The following PTPRZ1 variants were observed in gnomAD, a reference collection of about 807,000 sequenced individuals.
PTPRZ1 encodes the protein receptor-type tyrosine-protein phosphatase zeta.
PTPRZ1 carries 82 observed loss-of-function variants against 214.1 expected under a neutral mutation model. That is an observed-to-expected ratio of 0.38 (90% CI 0.32 to 0.46). The LOEUF is 0.46. Among genes scored for constraint, PTPRZ1 ranks in the 20% least tolerant of loss-of-function variants. The pLI, the probability that PTPRZ1 is intolerant of heterozygous loss-of-function variation, is 1.00. For synonymous variants in PTPRZ1, 945 were observed against 987.9 expected, an observed-to-expected ratio of 0.96 and a Z score of 0.81; for missense variants, 2,603 against 2,748.7, an observed-to-expected ratio of 0.95 and a Z score of 1.19.
intron 6 of PTPRZ1, among the ~76,000 whole-genome samples, chr7:121,978,939 C>T (rs1170634927): frequency 6.6e-6 from 1 of 152,062 alleles, no homozygotes; most frequent in Non-Finnish European, 1.5e-5. Context: ...AAGGCTCCCC[C>T]ATATTGGCAA....
In PTPRZ1 at chr7:122,059,895, A is replaced by G. The variant is rs759741093; in HGVS notation, c.6807+7A>G. Reference sequence around the variant, plus strand: ...AGGAGTCTTTGCTGACATTGTAAGTAACAAGGCAGTGAACGAAATTTTTCA... The same window carrying G: ...AGGAGTCTTTGCTGACATTGTAAGTGACAAGGCAGTGAACGAAATTTTTCA... On this transcript the variant is annotated splice_region_variant and intron_variant, in intron 29 of 29. Coordinates refer to ENST00000393386, the MANE Select transcript of PTPRZ1 (RefSeq NM_002851.3). The G allele has an allele frequency of 6.2e-6, 10 of 1,606,050 alleles. No homozygotes were observed. In the South Asian group the frequency reaches 1.1e-4, roughly 18 times the overall value.
chr7:122,052,223 C>G (rs1792208341), intron 25 of PTPRZ1, among the ~76,000 whole-genome samples: 1 of 152,138 alleles, frequency 6.6e-6, no homozygotes, highest in Non-Finnish European at 1.5e-5. Flanking sequence ...ACCTGCTTAT[C>G]TAAAAGGCTT....
At position 121,923,828 on chromosome 7, in the gene PTPRZ1, CTAAA is replaced by C. The variant is rs548705907; in HGVS notation, c.59-4321_59-4318del. 2.3e-3 allele frequency among the ~76,000 whole-genome samples: 347 copies of C among 151,746 alleles called. 2 individuals carry two copies. Among genetic ancestry groups the C allele is most frequent in the African/African-American group, 8.1e-3 (335 of 41,414 alleles). ...GAAATATGTCTTTATAATACATATA[CTAAA>C]TAAATATATGTATTTTTATATATGC... On this transcript the variant is annotated intron_variant, in intron 1 of 29. Coordinates refer to ENST00000393386, the MANE Select transcript of PTPRZ1 (RefSeq NM_002851.3).
intron 2 of PTPRZ1, among the ~76,000 whole-genome samples, chr7:121,928,618 C>T (rs1426579807): frequency 6.6e-6 from 1 of 152,150 alleles, no homozygotes; most frequent in Non-Finnish European, 1.5e-5. Flanking sequence ...CAAATGTTAG[C>T]TGCTGGAGTT....
chr7:121,917,880 A>G (rs1466903208), intron 1 of PTPRZ1, among the ~76,000 whole-genome samples: 1 of 152,152 alleles, frequency 6.6e-6, no homozygotes, highest in Non-Finnish European at 1.5e-5. Flanking sequence ...TCTTTTTGTA[A>G]TATTGCCCAA....
chr7:121,999,927 C>T (rs922659406), intron 10 of PTPRZ1, among the ~76,000 whole-genome samples: 1 of 151,914 alleles, frequency 6.6e-6, no homozygotes, highest in African/African-American at 2.4e-5. Flanking sequence ...ATTTAAAGGA[C>T]CGGGACACTA....
At position 122,012,114 on chromosome 7, in the gene PTPRZ1, C is replaced by G; in HGVS notation, c.3068C>G (p.Ser1023Cys). 1 of 1,613,904 alleles carries G rather than the reference C, an allele frequency of 6.2e-7. No individual in the cohort carries two copies. Among genetic ancestry groups the G allele is most frequent in the South Asian group, 1.1e-5 (1 of 91,070 alleles). The change falls in exon 12 of 30, where the codon TCT becomes TGT. Residue 1023 changes from serine (S) to cysteine (C), a missense_variant. Around this residue, in one of 6 missense-constraint regions of PTPRZ1, gnomAD observed 1,913 missense variants for 1,914.3 expected, o/e 1.00. Transcript: ENST00000393386. ...LTALNISSPV[S>C]VAEFTYTTSV... Reference sequence around the variant, plus strand: ...GCCCTTAACATTTCTTCACCTGTTTCTGTAGCTGAATTTACATATACAACA... The same window carrying G: ...GCCCTTAACATTTCTTCACCTGTTTGTGTAGCTGAATTTACATATACAACA...
chr7:121,877,704 T>C (rs889232757), intron 1 of PTPRZ1, among the ~76,000 whole-genome samples: 2 of 152,216 alleles, frequency 1.3e-5, no homozygotes, highest in Non-Finnish European at 2.9e-5. Flanking sequence ...TTAATCTGAT[T>C]CAATCCCACA....
intron 26 of PTPRZ1, 52 bp from the exon 27 acceptor site, chr7:122,054,889 T>A: frequency 6.7e-7 from 1 of 1,488,862 alleles, no homozygotes; most frequent in Non-Finnish European, 9.0e-7. Flanking sequence ...CAATCTGACT[T>A]ATTGGTCATT....
At chr7:121,921,625 T>C (rs1795599841) in intron 1 of PTPRZ1, among the ~76,000 whole-genome samples, 1 of 152,136 alleles carries the variant, frequency 6.6e-6, no homozygotes, top group Non-Finnish European at 1.5e-5. Flanking sequence ...TTTAATGATA[T>C]GAATTAAAAT....
At position 122,010,910 on chromosome 7, in the gene PTPRZ1, C is replaced by G; in HGVS notation, c.1864C>G (p.Leu622Val). Residue 622 changes from leucine to valine, a missense_variant, in exon 12 of 30, where the codon CTT becomes GTT. This residue lies in a region of PTPRZ1 where 1,913 missense variants were observed against 1,914.3 expected (regional missense o/e 1.00). Transcript: ENST00000393386. ...ENPETITYDVLIPESARNASE... is the reference protein window; with the variant it reads ...ENPETITYDVVIPESARNASE... ...CCCAGAGACAATAACATATGATGTC[C>G]TTATACCAGAATCTGCTAGAAATGC... 6.2e-7 allele frequency: 1 copy of G among 1,614,024 alleles called. No homozygotes were observed. The highest frequency in any genetic ancestry group is 8.5e-7 in the Non-Finnish European group (1 of 1,179,982).
chr7:121,962,574 AT>A (rs200388655), intron 2 of PTPRZ1, among the ~76,000 whole-genome samples: 10 of 148,224 alleles, frequency 6.7e-5, no homozygotes, highest in East Asian at 2.0e-4. Flanking sequence ...CCTGTGCACA[AT>A]TTTTTTTTTG....
intron 1 of PTPRZ1, among the ~76,000 whole-genome samples, chr7:121,878,598 T>C (rs1794136512): frequency 6.6e-6 from 1 of 152,166 alleles, no homozygotes; most frequent in African/African-American, 2.4e-5. Context: ...ACAGAAGAGA[T>C]TAACTGCTGG....
At chr7:121,991,886 G>T (rs569281106) in intron 8 of PTPRZ1, among the ~76,000 whole-genome samples, 1 of 152,312 alleles carries the variant, frequency 6.6e-6, no homozygotes, top group South Asian at 2.1e-4. Context: ...GCTACTGCCT[G>T]AGGAGAAGTC....
intron 22 of PTPRZ1, among the ~76,000 whole-genome samples, chr7:122,043,124 A>G (rs1391514026): frequency 6.6e-6 from 1 of 152,212 alleles, no homozygotes; most frequent in Non-Finnish European, 1.5e-5. Context: ...ATCTGTAACA[A>G]ACTTTTATGC....
At chr7:122,000,646 CATATATATATATAT>C (rs60953788) in intron 10 of PTPRZ1, among the ~76,000 whole-genome samples, 2,361 of 51,474 alleles carry the variant, frequency 0.046, 75 homozygotes, top group South Asian at 0.089. Flanking sequence ...TGATAGATTT[CATATATATATATAT>C]ATATATATAT....
At chr7:121,926,047 G>A (rs2116363411) in intron 1 of PTPRZ1, among the ~76,000 whole-genome samples, 1 of 152,336 alleles carries the variant, frequency 6.6e-6, no homozygotes, top group Middle Eastern at 3.4e-3. Flanking sequence ...GCTCACGCCT[G>A]TAATTCCAGC....
chr7:121,991,825 C>T (rs907641672), intron 8 of PTPRZ1, among the ~76,000 whole-genome samples: 1 of 152,136 alleles, frequency 6.6e-6, no homozygotes, highest in South Asian at 2.1e-4. Context: ...AGATCTTTTC[C>T]AATTACATTC....
chr7:121,965,353 GGTTTGTTT>G (rs33965058), intron 2 of PTPRZ1, among the ~76,000 whole-genome samples: 14 of 151,032 alleles, frequency 9.3e-5, no homozygotes, highest in African/African-American at 1.7e-4. Context: ...TTGTTGTTGT[GGTTTGTTT>G]GTTTGTTTGT....
Sources: allele counts gnomAD v4.1 joint callset (sites outside exome capture counted in the v4.1 genomes callset), GRCh38; gene constraint gnomAD v4.1.1; regional missense constraint gnomAD v4.1.1; transcripts MANE v1.5; gene names NCBI Gene and HGNC (gene_info 2026-07-23, HGNC 2026-07-21).